The following PARD3B variants were observed in gnomAD, a reference collection of about 807,000 sequenced individuals.
The protein encoded by PARD3B is partitioning defective 3 homolog B.
A neutral mutation model predicts 130.2 loss-of-function variants in PARD3B; 103 were observed. The observed-to-expected ratio is 0.79, with a 90% CI of 0.67 to 0.93. The LOEUF (loss-of-function observed/expected upper bound fraction) is 0.93. Among genes scored for constraint, PARD3B ranks in the 40% least tolerant of loss-of-function variants. PARD3B has a pLI of 0.00. For missense variants in PARD3B, 1,609 were observed against 1,499.2 expected (o/e 1.07, Z -1.21); for synonymous variants, 583 against 553.2 (o/e 1.05, Z -0.76).
chr2:204,705,030 G>A (rs879716670), intron 2 of PARD3B, among the ~76,000 whole-genome samples: 26 of 152,046 alleles, frequency 1.7e-4, no homozygotes, highest in Non-Finnish European at 2.9e-4. Context: ...AAGCTGTTTG[G>A]GCACAAAAGA....
At chr2:204,674,016 T>C (rs2036422969) in intron 1 of PARD3B, among the ~76,000 whole-genome samples, 1 of 152,132 alleles carries the variant, frequency 6.6e-6, no homozygotes, top group Admixed American at 6.5e-5. Flanking sequence ...TTCTCTGTTA[T>C]ACCCTGAGCC....
intron 2 of PARD3B, among the ~76,000 whole-genome samples, chr2:204,933,666 A>G (rs959727211): frequency 6.6e-6 from 1 of 152,152 alleles, no homozygotes; most frequent in Non-Finnish European, 1.5e-5. Flanking sequence ...ATCAGAGTTC[A>G]TCTTTTAGGG....
intron 2 of PARD3B, among the ~76,000 whole-genome samples, chr2:204,734,988 A>G (rs1404043259): frequency 1.3e-5 from 2 of 151,020 alleles, no homozygotes; most frequent in Non-Finnish European, 2.9e-5. Flanking sequence ...TGAAAAAAGG[A>G]AAAAAGGAAA....
chr2:204,928,683 A>G (rs960281342), intron 2 of PARD3B, among the ~76,000 whole-genome samples: 10 of 150,796 alleles, frequency 6.6e-5, no homozygotes, highest in African/African-American at 2.4e-4. Flanking sequence ...CAGAAGGGAG[A>G]AAAAAACAGA....
intron 2 of PARD3B, among the ~76,000 whole-genome samples, chr2:204,861,924 C>CAA (rs60473341): frequency 0.027 from 920 of 34,070 alleles, 109 homozygotes; most frequent in African/African-American, 0.07. Context: ...AGACATTTCT[C>CAA]AAAAAAAAAA....
chr2:205,235,063 A>G (rs936917310), intron 15 of PARD3B, among the ~76,000 whole-genome samples: 2 of 152,346 alleles, frequency 1.3e-5, no homozygotes, highest in East Asian at 3.9e-4. Flanking sequence ...AGGATAATTT[A>G]TAACACTGAA....
chr2:205,071,608 A>G (rs1700733614), intron 4 of PARD3B, among the ~76,000 whole-genome samples: 1 of 152,224 alleles, frequency 6.6e-6, no homozygotes, highest in African/African-American at 2.4e-5. Context: ...TACAATGTAA[A>G]TGTTTTTAAA....
intron 10 of PARD3B, among the ~76,000 whole-genome samples, chr2:205,155,637 G>A (rs989712306): frequency 1.3e-5 from 2 of 152,094 alleles, no homozygotes. Context: ...CTTCCACAAT[G>A]GTTGAACTAG....
At chr2:205,297,720 G>A (rs1042856078) in intron 16 of PARD3B, among the ~76,000 whole-genome samples, 1 of 151,998 alleles carries the variant, frequency 6.6e-6, no homozygotes, top group African/African-American at 2.4e-5. Flanking sequence ...GCATTCTCCA[G>A]GAATAAATAG....
chr2:205,282,504 T>G (rs1029457058), intron 16 of PARD3B, among the ~76,000 whole-genome samples: 1 of 81,384 alleles, frequency 1.2e-5, no homozygotes, highest in African/African-American at 2.9e-5. Flanking sequence ...TATATATTTA[T>G]GTGTATATAT....
At chr2:205,372,629 C>A (rs1048058931) in intron 18 of PARD3B, among the ~76,000 whole-genome samples, 32 of 152,150 alleles carry the variant, frequency 2.1e-4, no homozygotes, top group African/African-American at 7.5e-4. Context: ...TTCTAATATT[C>A]TTATCTACTA....
intron 2 of PARD3B, among the ~76,000 whole-genome samples, chr2:204,913,979 C>G (rs141777632): frequency 6.6e-6 from 1 of 152,178 alleles, no homozygotes; most frequent in Non-Finnish European, 1.5e-5. Flanking sequence ...TTAGCTTTTG[C>G]GTGTGTGCCC....
intron 2 of PARD3B, among the ~76,000 whole-genome samples, chr2:204,897,114 ATTAAT>A (rs2046666591): frequency 6.6e-6 from 1 of 152,178 alleles, no homozygotes; most frequent in African/African-American, 2.4e-5. Flanking sequence ...TTTTTAACAA[ATTAAT>A]TTATAAGGTC....
chr2:205,492,638 G>A (rs971879766), intron 20 of PARD3B, among the ~76,000 whole-genome samples: 1 of 152,054 alleles, frequency 6.6e-6, no homozygotes, highest in African/African-American at 2.4e-5. Context: ...AATCTTATTT[G>A]TCAATGCACC....
intron 22 of PARD3B, among the ~76,000 whole-genome samples, chr2:205,576,333 T>C (rs1219243463): frequency 6.6e-6 from 1 of 150,846 alleles, no homozygotes; most frequent in Non-Finnish European, 1.5e-5. Context: ...TTTTTTTTCA[T>C]GGATTGTGAC....
At chr2:205,200,963 G>T (rs540653835) in intron 15 of PARD3B, among the ~76,000 whole-genome samples, 1 of 152,286 alleles carries the variant, frequency 6.6e-6, no homozygotes, top group East Asian at 1.9e-4. Flanking sequence ...CATCCCCAGA[G>T]CTAGTTCTGT....
chr2:205,228,265 T>G (rs2038663862), intron 15 of PARD3B, among the ~76,000 whole-genome samples: 1 of 152,214 alleles, frequency 6.6e-6, no homozygotes, highest in Non-Finnish European at 1.5e-5. Flanking sequence ...AGAACTCCCT[T>G]TAGCATTTCT....
intron 20 of PARD3B, among the ~76,000 whole-genome samples, chr2:205,469,597 G>C (rs912245804): frequency 6.6e-6 from 1 of 152,146 alleles, no homozygotes; most frequent in Non-Finnish European, 1.5e-5. Context: ...AGAAACTATA[G>C]TCAGCCTAAT....
intron 21 of PARD3B, among the ~76,000 whole-genome samples, chr2:205,533,840 AC>A (rs1266551981): frequency 6.6e-6 from 1 of 151,954 alleles, no homozygotes; most frequent in Non-Finnish European, 1.5e-5. Flanking sequence ...CAATCCTTCC[AC>A]CTCGGCCTCC....
Sources: gnomAD v4.1 joint callset for allele counts (sites outside exome capture counted in the v4.1 genomes callset) on GRCh38, gnomAD v4.1.1 for gene constraint, MANE v1.5 for transcripts, NCBI Gene and HGNC (gene_info 2026-07-23, HGNC 2026-07-21) for gene names.